GFRA1: variants seen among roughly 807,000 people sequenced by gnomAD.
The protein encoded by GFRA1 is GDNF family receptor alpha 1, also known as GDNF family receptor alpha-1.
GFRA1 carries 16 observed loss-of-function variants against 51.6 expected under a neutral mutation model. The observed-to-expected ratio is 0.31, with a 90% CI of 0.21 to 0.47. The LOEUF (loss-of-function observed/expected upper bound fraction) is 0.47, where lower values mean the gene tolerates loss of function less well. Among genes scored for constraint, GFRA1 ranks in the 20% least tolerant of loss-of-function variants. The pLI, the probability that GFRA1 is intolerant of heterozygous loss-of-function variation, is 1.00. For missense variants in GFRA1, 530 were observed against 594.3 expected (o/e 0.89, Z 1.13); for synonymous variants, 270 against 241.3 (o/e 1.12, Z -1.10).
At chr10:116,135,253 G>A (rs1958273729) in intron 5 of GFRA1, among the ~76,000 whole-genome samples, 1 of 152,122 alleles carries the variant, frequency 6.6e-6, no homozygotes, top group Non-Finnish European at 1.5e-5. Context: ...CCAGGAAACT[G>A]GCTTTTTAAA....
At chr10:116,129,097 T>C (rs1957998114) in intron 5 of GFRA1, among the ~76,000 whole-genome samples, 1 of 152,194 alleles carries the variant, frequency 6.6e-6, no homozygotes. Flanking sequence ...TATTAATTCA[T>C]AGCTCACAGG....
chr10:116,174,650 C>T (rs143027363), intron 5 of GFRA1, among the ~76,000 whole-genome samples: 3,244 of 152,206 alleles, frequency 0.021, 45 homozygotes, highest in Non-Finnish European at 0.033. Context: ...CAATTTTATA[C>T]CTTAGTCCAT....
intron 5 of GFRA1, among the ~76,000 whole-genome samples, chr10:116,194,053 AATAAATAAAATTT>A (rs1224779707): frequency 5.2e-5 from 4 of 77,174 alleles, no homozygotes; most frequent in African/African-American, 1.5e-4. Context: ...AAAAAAAATA[AATAAATAAAATTT>A]AAAAAAAAAA....
At chr10:116,122,734 G>A (rs77507568) in intron 6 of GFRA1, among the ~76,000 whole-genome samples, 5,147 of 152,154 alleles carry the variant, frequency 0.034, 288 homozygotes, top group African/African-American at 0.12. Context: ...ATAAACCTGG[G>A]AGAACAGGAA....
chr10:116,141,376 C>T (rs1958557368), intron 5 of GFRA1, among the ~76,000 whole-genome samples: 1 of 152,172 alleles, frequency 6.6e-6, no homozygotes, highest in South Asian at 2.1e-4. Flanking sequence ...AAGTCCAGTA[C>T]CATTATAGCA....
At chr10:116,234,661 A>G (rs1323268580) in intron 4 of GFRA1, among the ~76,000 whole-genome samples, 1 of 152,190 alleles carries the variant, frequency 6.6e-6, no homozygotes, top group Non-Finnish European at 1.5e-5. Flanking sequence ...CAAAAAATGT[A>G]CCACTCAGGG....
rs1488089829 is a variant in GFRA1, at chr10:116,064,463, T to C, written c.1333A>G (p.Ser445Gly). ...SMAAPPSCGL[S>G]PLLVLVVTAL... ...GTTACCACCAGGACCAGCAGTGGGC[T>C]CAGACCACAGCTTGGAGGAGCAGCC... The change falls in exon 11 of 11, where the codon AGC becomes GGC. Residue 445 changes from serine (S) to glycine (G), a missense_variant. Physicochemically the swap from Ser to Gly is moderately conservative, Grantham distance 56. Coordinates refer to ENST00000355422, the MANE Select transcript of GFRA1 (RefSeq NM_005264.8). 1 of 1,613,452 alleles carries C rather than the reference T, an allele frequency of 6.2e-7. No homozygotes were observed. Among genetic ancestry groups the C allele is most frequent in the Non-Finnish European group, 8.5e-7 (1 of 1,179,728 alleles).
intron 4 of GFRA1, 98 bp from the exon 5 acceptor site, chr10:116,211,743 T>C: frequency 1.0e-6 from 1 of 983,936 alleles, no homozygotes; most frequent in Non-Finnish European, 1.6e-6. Context: ...GATGATGACA[T>C]ATGCTGACTT....
At chr10:116,185,522 C>T (rs11593831) in intron 5 of GFRA1, among the ~76,000 whole-genome samples, 18 of 152,182 alleles carry the variant, frequency 1.2e-4, no homozygotes, top group Non-Finnish European at 1.5e-4. Flanking sequence ...CCTGTTTACA[C>T]CTCCACTCCC....
chr10:116,232,548 G>A (rs1433431874), intron 4 of GFRA1, among the ~76,000 whole-genome samples: 3 of 151,772 alleles, frequency 2.0e-5, no homozygotes, highest in African/African-American at 7.3e-5. Context: ...ATGATAAAGG[G>A]CTTGTCTAAT....
chr10:116,178,033 G>T (rs955399012), intron 5 of GFRA1, among the ~76,000 whole-genome samples: 1 of 152,148 alleles, frequency 6.6e-6, no homozygotes. Flanking sequence ...CTAGACTTTG[G>T]TATCTTTCTC....
At chr10:116,190,493 A>G (rs1226145257) in intron 5 of GFRA1, among the ~76,000 whole-genome samples, 1 of 152,206 alleles carries the variant, frequency 6.6e-6, no homozygotes, top group Non-Finnish European at 1.5e-5. Flanking sequence ...GCTCCCCTAA[A>G]GGTACAGGCC....
intron 5 of GFRA1, among the ~76,000 whole-genome samples, chr10:116,185,411 C>T (rs188668286): frequency 1.4e-3 from 212 of 152,254 alleles, no homozygotes; most frequent in Non-Finnish European, 2.5e-3. Context: ...CCCATCCCGG[C>T]GCACCTCCTT....
chr10:116,269,695 C>G (rs1969946678), intron 3 of GFRA1, 109 bp from the exon 4 acceptor site: 1 of 734,262 alleles, frequency 1.4e-6, no homozygotes, highest in Non-Finnish European at 2.5e-6. Context: ...AACAAAAAGA[C>G]GCTGAAACTT....
intron 4 of GFRA1, among the ~76,000 whole-genome samples, chr10:116,222,337 T>C (rs566135150): frequency 7.2e-5 from 11 of 152,260 alleles, no homozygotes; most frequent in African/African-American, 2.6e-4. Context: ...TAGCTGAGAT[T>C]ACAGGTGCCC....
At chr10:116,191,187 CA>C (rs374482181) in intron 5 of GFRA1, among the ~76,000 whole-genome samples, 2 of 151,404 alleles carry the variant, frequency 1.3e-5, no homozygotes, top group African/African-American at 4.8e-5. Flanking sequence ...ATTTAGTCAG[CA>C]AAAAAAACCC....
chr10:116,236,785 G>A (rs945828986), intron 4 of GFRA1, among the ~76,000 whole-genome samples: 2 of 152,162 alleles, frequency 1.3e-5, no homozygotes, highest in African/African-American at 4.8e-5. Flanking sequence ...CCAGCATTTT[G>A]TCTCTTCCTC....
chr10:116,116,212 A>G (rs935076872), intron 6 of GFRA1, among the ~76,000 whole-genome samples: 1 of 152,186 alleles, frequency 6.6e-6, no homozygotes, highest in Non-Finnish European at 1.5e-5. Flanking sequence ...CTCCTACCTC[A>G]GCCTCTGGAG....
rs1964668519 is a variant in GFRA1 at position 116,205,560 on chromosome 10, C to T, written c.433+6071G>A. Among the ~76,000 whole-genome samples, 6 of 145,368 alleles carry T rather than the reference C, an allele frequency of 4.1e-5. No homozygotes were observed. In the South Asian group the frequency reaches 1.3e-3, roughly 31 times the overall value. ...ACTGCACTCTAGCCTGGCGACAGAG[C>T]TAGACTTCATCTCAAAAAAGAAAGG... On this transcript the variant is annotated intron_variant, in intron 5 of 10. Transcript: ENST00000355422.
Sources: allele counts gnomAD v4.1 joint callset (sites outside exome capture counted in the v4.1 genomes callset), GRCh38; gene constraint gnomAD v4.1.1; transcripts MANE v1.5; gene names NCBI Gene and HGNC (gene_info 2026-07-23, HGNC 2026-07-21).